The following SEH1L variants were observed in gnomAD, a reference collection of about 807,000 sequenced individuals.
SEH1L encodes SEH1 like nucleoporin, also known as nucleoporin SEH1.
Under a neutral mutation model 49.5 loss-of-function variants are expected in SEH1L, and 18 were observed. That is an observed-to-expected ratio of 0.36 (90% CI 0.25 to 0.54). SEH1L has a LOEUF of 0.54. Among genes scored for constraint, SEH1L ranks in the 20% least tolerant of loss-of-function variants. The pLI is 0.87. For synonymous variants in SEH1L, 169 were observed against 178.1 expected, an observed-to-expected ratio of 0.95 and a Z score of 0.41; for missense variants, 404 against 528.8, an observed-to-expected ratio of 0.76 and a Z score of 2.31.
intron 3 of SEH1L, among the ~76,000 whole-genome samples, chr18:12,956,398 A>C (rs2030862406): frequency 6.6e-6 from 1 of 151,576 alleles, no homozygotes; most frequent in Non-Finnish European, 1.5e-5. Flanking sequence ...TAATGGGCCA[A>C]ATTCAGGATG....
At chr18:12,952,429 C>T (rs1473574347) in intron 2 of SEH1L, among the ~76,000 whole-genome samples, 4 of 151,974 alleles carry the variant, frequency 2.6e-5, no homozygotes, top group African/African-American at 9.7e-5. Flanking sequence ...GATGGGGTTT[C>T]GCCATGTTGG....
intron 1 of SEH1L, 103 bp from the exon 2 acceptor site, chr18:12,951,752 C>T: frequency 1.4e-6 from 1 of 705,920 alleles, no homozygotes; most frequent in Non-Finnish European, 2.5e-6. Flanking sequence ...CTTTTGTTAA[C>T]TATATGTTCA....
Position 12,948,107 on chromosome 18 carries a change from G to A in SEH1L, c.-15G>A. 1.2e-6 allele frequency: 2 copies of A among 1,602,164 alleles called. No individual in the cohort carries two copies. The highest frequency in any genetic ancestry group is 1.7e-6 in the Non-Finnish European group (2 of 1,172,206). On this transcript the variant is annotated 5_prime_UTR_variant, in exon 1 of 9. Transcript: ENST00000399892. ...CGCCACTGTCCTCTTCGGAGGCGCG[G>A]GCCCGACGGAAACCATGTTTGTGGC...
chr18:12,975,667 C>CT, intron 5 of SEH1L: 1 of 982,776 alleles, frequency 1.0e-6, no homozygotes, highest in East Asian at 1.1e-4. Context: ...AGTCTGATCT[C>CT]TATCCTGGCA....
intron 3 of SEH1L, among the ~76,000 whole-genome samples, chr18:12,957,873 G>A (rs938410344): frequency 6.6e-6 from 1 of 151,784 alleles, no homozygotes; most frequent in Non-Finnish European, 1.5e-5. Flanking sequence ...TGCACCACAG[G>A]CTGATTTTTT....
chr18:12,979,783 T>C (rs867158439), intron 6 of SEH1L, among the ~76,000 whole-genome samples: 1 of 45,956 alleles, frequency 2.2e-5, no homozygotes, highest in African/African-American at 1.0e-4. Context: ...GGGGCGGCTG[T>C]CCGGGCAGAG....
chr18:12,957,543 C>T (rs1174823286), intron 3 of SEH1L, among the ~76,000 whole-genome samples: 1 of 152,174 alleles, frequency 6.6e-6, no homozygotes, highest in Non-Finnish European at 1.5e-5. Flanking sequence ...TGTTGAAGTT[C>T]CTCATCTATA....
chr18:12,949,447 T>TTTTTTG (rs1465977754), intron 1 of SEH1L, among the ~76,000 whole-genome samples: 1 of 111,636 alleles, frequency 9.0e-6, no homozygotes, highest in Non-Finnish European at 1.9e-5. Context: ...TAACCGTTTT[T>TTTTTTG]TTTTTTTTTT....
chr18:12,952,232 CTTT>C (rs746291412), intron 2 of SEH1L, among the ~76,000 whole-genome samples: 1 of 133,448 alleles, frequency 7.5e-6, no homozygotes. Context: ...TAGAAATTTT[CTTT>C]TTTTTTTTTT....
intron 4 of SEH1L, among the ~76,000 whole-genome samples, chr18:12,966,077 T>C (rs1170128664): frequency 2.7e-5 from 4 of 148,786 alleles, no homozygotes; most frequent in Admixed American, 2.0e-4. Flanking sequence ...CATTTGTTTT[T>C]TATTTTTATT....
rs2030235775 is a variant in SEH1L, at chr18:12,948,212, T to A, written c.91T>A (p.Ser31Thr). Residue 31 changes from serine to threonine, a missense_variant, in exon 1 of 9, where the codon TCC becomes ACC. Physicochemically the swap from Ser to Thr is moderately conservative, Grantham distance 58. This residue lies in a region of SEH1L where 57 missense variants were observed against 71.9 expected (regional missense o/e 0.79). Transcript: ENST00000399892. ...CCACGGGCGGCGGATGGCAACCTGC[T>A]CCAGCGATCAGAGCGTTAAGGTGCG... The part of the protein sequence containing the change: ...DFHGRRMATC[S>T]SDQSVKVWDK... The A allele has an allele frequency of 1.2e-6, 2 of 1,611,012 alleles. No individual in the cohort carries two copies. The highest frequency in any genetic ancestry group is 2.7e-5 in the African/African-American group (2 of 74,360).
chr18:12,957,141 T>C (rs1489508151), intron 3 of SEH1L, among the ~76,000 whole-genome samples: 3 of 152,036 alleles, frequency 2.0e-5, no homozygotes, highest in African/African-American at 7.2e-5. Flanking sequence ...AAATATACTG[T>C]CCTCGGCCGG....
At chr18:12,971,296 AT>A in intron 5 of SEH1L, 45 bp downstream of exon 5, 1 of 1,198,776 alleles carries the variant, frequency 8.3e-7, no homozygotes, top group Non-Finnish European at 1.2e-6. Context: ...ATTGCATTTA[AT>A]TTTTTAAAAT....
rs1033501173 is a variant in SEH1L at position 12,985,390 on chromosome 18, C to T, written c.1070+1200C>T. 28 of 1,409,926 alleles carry T rather than the reference C, an allele frequency of 2.0e-5. 1 individual carries two copies. In the South Asian group the frequency reaches 2.5e-4, roughly 12 times the overall value. The allele number at this position is 1,409,926 out of a possible 1,614,324, so 87.3% of individuals were successfully genotyped here. A position where few individuals can be genotyped will look rare whatever the true frequency, so the allele number is the denominator to read the frequency against. The stretch of plus-strand genomic sequence containing the variant: ...CACCAGCAGCCTGCTTACTACTAAA[C>T]GCAATCCAAAAGGCCTTTAAAAATA... On this transcript the variant is annotated intron_variant, in intron 8 of 8. Transcript: ENST00000399892.
In SEH1L at chr18:12,955,570, A is replaced by G. The variant is rs1466011002; in HGVS notation, c.270A>G (p.Val90=). 4 of 1,613,962 alleles carry G rather than the reference A, an allele frequency of 2.5e-6. No homozygotes were observed. In the African/African-American group the frequency reaches 5.3e-5, roughly 22 times the overall value. Residue 90 remains valine, a synonymous_variant, in exon 3 of 9, where the codon GTA becomes GTG. Transcript: ENST00000399892. The stretch of plus-strand genomic sequence containing the variant: ...CAGCTGCTGTATGGGAAGAAATAGT[A>G]GGAGAATCAAATGATAAACTGCGAG... ...DRTAAVWEEI[V]GESNDKLRGQ...
intron 1 of SEH1L, among the ~76,000 whole-genome samples, chr18:12,950,077 A>G (rs150381352): frequency 5.3e-5 from 8 of 151,092 alleles, no homozygotes; most frequent in African/African-American, 1.7e-4. Context: ...TCTGTCACCC[A>G]GGCTGGAGTG....
chr18:12,948,569 G>C lies in SEH1L; in HGVS notation c.111+337G>C, dbSNP rs552722076. On this transcript the variant is annotated intron_variant, in intron 1 of 8. Transcript: ENST00000399892. ...CGTCAGCCTCGGCGTCGTGGGTCTT[G>C]CCCGCGCTGTTCACCCGACGACCTG... The C allele has an allele frequency of 1.9e-5, 4 of 205,430 alleles. No individual in the cohort carries two copies. The South Asian group carries it at 4.2e-4, about 21-fold the overall frequency. The allele number at this position is 205,430 out of a possible 1,614,324, so 12.7% of individuals were successfully genotyped here. A position where few individuals can be genotyped will look rare whatever the true frequency, so the allele number is the denominator to read the frequency against.
chr18:12,950,017 A>T (rs1213370960), intron 1 of SEH1L, among the ~76,000 whole-genome samples: 1 of 149,180 alleles, frequency 6.7e-6, no homozygotes, highest in African/African-American at 2.5e-5. Flanking sequence ...ACTTAGTATA[A>T]TTTTTTTTTT....
At position 12,963,151 on chromosome 18, in the gene SEH1L, T is replaced by G. The variant is rs758261610; in HGVS notation, c.310-9T>G. 1.3e-6 allele frequency: 2 copies of G among 1,586,854 alleles called. No individual in the cohort carries two copies. The stretch of plus-strand genomic sequence containing the variant: ...TATATAATTTAAATTGTTATTATTT[T>G]TTTTTTAGGTTAAAAGGACAACTCT... On this transcript the variant is annotated splice_polypyrimidine_tract_variant and intron_variant, in intron 3 of 8. Coordinates refer to ENST00000399892, the MANE Select transcript of SEH1L (RefSeq NM_001013437.2).
Sources: gnomAD v4.1 joint callset for allele counts (sites outside exome capture counted in the v4.1 genomes callset) on GRCh38, gnomAD v4.1.1 for gene constraint, gnomAD v4.1.1 regional missense constraint, MANE v1.5 for transcripts, NCBI Gene and HGNC (gene_info 2026-07-23, HGNC 2026-07-21) for gene names.